Variants in LRFN2 observed in about 807,000 individuals in gnomAD.
LRFN2 encodes the protein leucine rich repeat and fibronectin type III domain containing 2.
A neutral mutation model predicts 37.3 loss-of-function variants in LRFN2; 18 were observed. The observed-to-expected ratio is 0.48, with a 90% confidence interval of 0.33 to 0.72. The LOEUF is 0.72. Ranked by LOEUF, LRFN2 falls within the 30% of genes least tolerant of loss-of-function variation. LRFN2 has a pLI of 0.02. For missense variants in LRFN2, 1,006 were observed against 1,060.7 expected, an observed-to-expected ratio of 0.95 and a Z score of 0.72; for synonymous variants, 556 against 466.6, an observed-to-expected ratio of 1.19 and a Z score of -2.47.
chr6:40,549,672 G>A (rs1263401478), intron 1 of LRFN2, among the ~76,000 whole-genome samples: 1 of 152,292 alleles, frequency 6.6e-6, no homozygotes, highest in East Asian at 1.9e-4. Flanking sequence ...TAGGTGGTGG[G>A]AACCACAGTG....
At chr6:40,577,689 T>A (rs1481587794) in intron 1 of LRFN2, among the ~76,000 whole-genome samples, 1 of 110,136 alleles carries the variant, frequency 9.1e-6, no homozygotes, top group Non-Finnish European at 2.0e-5. Flanking sequence ...CGGTGTTTGG[T>A]TTTTTGTTCT....
At chr6:40,525,984 C>T (rs1406449016) in intron 1 of LRFN2, among the ~76,000 whole-genome samples, 5 of 152,266 alleles carry the variant, frequency 3.3e-5, no homozygotes, top group African/African-American at 4.8e-5. Flanking sequence ...GGCACGAGAT[C>T]GGTGCTGGGA....
intron 1 of LRFN2, among the ~76,000 whole-genome samples, chr6:40,451,105 G>A (rs1375143484): frequency 6.6e-6 from 1 of 152,238 alleles, no homozygotes; most frequent in Non-Finnish European, 1.5e-5. Flanking sequence ...TAATCTAGGA[G>A]AGGAGGTTTT....
chr6:40,472,134 C>T (rs1764613028), intron 1 of LRFN2, among the ~76,000 whole-genome samples: 1 of 152,232 alleles, frequency 6.6e-6, no homozygotes, highest in South Asian at 2.1e-4. Context: ...AACTTGAATT[C>T]TTCCCCGGTC....
At chr6:40,423,568 C>A (rs1763279137) in intron 2 of LRFN2, among the ~76,000 whole-genome samples, 1 of 152,162 alleles carries the variant, frequency 6.6e-6, no homozygotes, top group Admixed American at 6.5e-5. Context: ...CCCATTGTCC[C>A]AGGACTAGTA....
At chr6:40,561,381 A>C (rs1766991684) in intron 1 of LRFN2, among the ~76,000 whole-genome samples, 1 of 152,216 alleles carries the variant, frequency 6.6e-6, no homozygotes. Flanking sequence ...AAGTCTCCAC[A>C]GAGAAAGGCA....
At chr6:40,504,481 G>A (rs543794596) in intron 1 of LRFN2, among the ~76,000 whole-genome samples, 54 of 152,270 alleles carry the variant, frequency 3.5e-4, no homozygotes, top group South Asian at 2.5e-3. Flanking sequence ...AGAAGTGGGC[G>A]TATGAGGAAA....
intron 1 of LRFN2, chr6:40,517,287 A>T (rs1337031010): frequency 2.0e-5 from 3 of 152,172 alleles, no homozygotes; most frequent in African/African-American, 7.2e-5. Context: ...AGGGAGTGAG[A>T]ACTACATTAG....
At chr6:40,394,947 T>A (rs920022022) in intron 2 of LRFN2, among the ~76,000 whole-genome samples, 1 of 129,684 alleles carries the variant, frequency 7.7e-6, no homozygotes. Context: ...TTAAACTTTT[T>A]CTTTTCCTTT....
intron 1 of LRFN2, chr6:40,501,710 G>A (rs1249466066): frequency 6.6e-6 from 1 of 152,124 alleles, no homozygotes; most frequent in Non-Finnish European, 1.5e-5. Context: ...TATGGATTCA[G>A]CCACGTGCCA....
At chr6:40,568,683 A>T (rs910788245) in intron 1 of LRFN2, among the ~76,000 whole-genome samples, 1 of 96,066 alleles carries the variant, frequency 1.0e-5, no homozygotes, top group African/African-American at 4.2e-5. Context: ...CGTCTCCCCC[A>T]TTTCCTTCCT....
intron 1 of LRFN2, among the ~76,000 whole-genome samples, chr6:40,546,185 G>T (rs1346883688): frequency 6.6e-6 from 1 of 152,158 alleles, no homozygotes; most frequent in Non-Finnish European, 1.5e-5. Context: ...ACAGTCAGCG[G>T]GTGATTGGCT....
chr6:40,394,889 T>C (rs1253847058), intron 2 of LRFN2, among the ~76,000 whole-genome samples: 1 of 152,110 alleles, frequency 6.6e-6, no homozygotes, highest in Non-Finnish European at 1.5e-5. Flanking sequence ...CTTTCACCTT[T>C]TGCCATGATT....
At position 40,392,066 on chromosome 6, in the gene LRFN2, C is replaced by T. The variant is rs202127195; in HGVS notation, c.2247G>A (p.Ser749=). 2.7e-4 allele frequency: 438 copies of T among 1,614,102 alleles called. 1 individual carries two copies. Among genetic ancestry groups the T allele is most frequent in the Admixed American group, 3.3e-4 (20 of 60,016 alleles). ...PGGYSPPRKV[S]NIWTKRSLSV... is the part of the protein sequence containing the mutation. ...AGAGGCTGCGCTTCGTCCAGATGTTCGAGACCTTCCGAGGAGGACTGTAGC... is the reference window on the plus strand; with the variant it reads ...AGAGGCTGCGCTTCGTCCAGATGTTTGAGACCTTCCGAGGAGGACTGTAGC... Residue 749 remains serine (S), a synonymous_variant, in exon 3 of 3, where the codon TCG becomes TCA. Transcript: ENST00000338305. The surrounding 1 kb of genome is among the most constrained non-coding windows in gnomAD (Gnocchi z 4.7).
At chr6:40,555,580 C>G (rs6936001) in intron 1 of LRFN2, among the ~76,000 whole-genome samples, 72,158 of 152,040 alleles carry the variant, frequency 0.47, 18,164 homozygotes, top group African/African-American at 0.64. Flanking sequence ...GGAGTCTGTG[C>G]CTCCTGGAAT....
chr6:40,461,019 A>G lies in LRFN2; in HGVS notation c.-18-27888T>C, dbSNP rs1764336543. ...TTGTAATGTAACATTTGATTCATTC[A>G]TTTATTTAATCAACCAGCCAGGCAA... On this transcript the variant is annotated intron_variant, in intron 1 of 2. Coordinates refer to ENST00000338305, the MANE Select transcript of LRFN2 (RefSeq NM_020737.3). 2.0e-5 allele frequency among the ~76,000 whole-genome samples: 3 copies of G among 152,164 alleles called. No individual in the cohort carries two copies. In the South Asian group the frequency reaches 6.2e-4, roughly 32 times the overall value.
At chr6:40,434,479 T>A (rs992485872) in intron 1 of LRFN2, among the ~76,000 whole-genome samples, 9 of 152,022 alleles carry the variant, frequency 5.9e-5, no homozygotes, top group Admixed American at 1.3e-4. Context: ...TGCCTTTTTT[T>A]TTCTTTTTTT....
At chr6:40,445,792 G>A (rs1763955901) in intron 1 of LRFN2, among the ~76,000 whole-genome samples, 1 of 152,188 alleles carries the variant, frequency 6.6e-6, no homozygotes, top group African/African-American at 2.4e-5. Context: ...ATCCTGGCCT[G>A]CCTCTTTCTG....
At chr6:40,414,194 C>T (rs776969357) in intron 2 of LRFN2, among the ~76,000 whole-genome samples, 6 of 152,218 alleles carry the variant, frequency 3.9e-5, no homozygotes, top group Non-Finnish European at 7.4e-5. Flanking sequence ...AGGAAAGAAT[C>T]GTAACCCTGC....
Sources: allele counts gnomAD v4.1 joint callset (sites outside exome capture counted in the v4.1 genomes callset), GRCh38; gene constraint gnomAD v4.1.1; non-coding constraint Gnocchi (gnomAD v3.1); transcripts MANE v1.5; gene names NCBI Gene and HGNC (gene_info 2026-07-23, HGNC 2026-07-21).